The following AP2B1 variants were observed in gnomAD, a reference collection of about 807,000 sequenced individuals.
The protein encoded by AP2B1 is AP-2 complex subunit beta.
Under a neutral mutation model 102.0 loss-of-function variants are expected in AP2B1, and 23 were observed. The observed-to-expected ratio is 0.23, with a 90% CI of 0.16 to 0.32. AP2B1 has a LOEUF of 0.32. Among genes scored for constraint, AP2B1 ranks in the 10% least tolerant of loss-of-function variants. AP2B1 has a pLI of 1.00. For synonymous variants in AP2B1, 381 were observed against 421.2 expected (o/e 0.90, Z 1.17); for missense variants, 541 against 1,157.4 (o/e 0.47, Z 7.73).
Position 35,636,352 on chromosome 17 carries a change from G to A in AP2B1, c.1167G>A (p.Glu389=). 6.2e-7 allele frequency: 1 copy of A among 1,612,800 alleles called. No homozygotes were observed. The highest frequency in any genetic ancestry group is 8.5e-7 in the Non-Finnish European group (1 of 1,179,110). Reference sequence around the variant, plus strand: ...ATTTTTCTTCCCAGCAATCTGCAGAGCGCTGTGTAAGCACATTGCTTGATC... The same window carrying A: ...ATTTTTCTTCCCAGCAATCTGCAGAACGCTGTGTAAGCACATTGCTTGATC... ...RCAIKVEQSA[E]RCVSTLLDLI... The change falls in exon 10 of 22, where the codon GAG becomes GAA. Residue 389 remains glutamate (E), a synonymous_variant. Coordinates refer to ENST00000610402, the MANE Select transcript of AP2B1 (RefSeq NM_001030006.2).
chr17:35,637,680 C>T (rs1010948153), intron 10 of AP2B1, among the ~76,000 whole-genome samples: 3 of 138,802 alleles, frequency 2.2e-5, no homozygotes, highest in South Asian at 2.3e-4. Context: ...AGAAGAGGGT[C>T]GGTTTCTAAA....
chr17:35,725,855 T>G lies in AP2B1; in HGVS notation c.*2156T>G, dbSNP rs740913. On this transcript the variant is annotated 3_prime_UTR_variant, in exon 22 of 22. Coordinates refer to ENST00000610402, the MANE Select transcript of AP2B1 (RefSeq NM_001030006.2). ...CTCAACCCCCGAAACAAGGCTTCTC[T>G]CAGCCTCCCCACCAGTGATGGATAA... is the stretch of plus-strand genomic sequence containing the variant. 19,325 of 152,346 alleles carry G rather than the reference T, an allele frequency of 0.13. 1,280 individuals carry two copies. The highest frequency in any genetic ancestry group is 0.16 in the Middle Eastern group (46 of 294). The allele number at this position is 152,346 out of a possible 1,614,324, so 9.4% of individuals were successfully genotyped here.
chr17:35,715,978 T>C (rs1418723973), intron 20 of AP2B1, among the ~76,000 whole-genome samples: 5 of 152,196 alleles, frequency 3.3e-5, no homozygotes, highest in Admixed American at 1.3e-4. Context: ...TCTATGTCTA[T>C]GGTATTATGT....
intron 17 of AP2B1, among the ~76,000 whole-genome samples, chr17:35,681,513 C>T (rs1010948778): frequency 6.6e-6 from 1 of 152,208 alleles, no homozygotes; most frequent in Admixed American, 6.5e-5. Flanking sequence ...AAGTGATTCT[C>T]CTACCTCAGC....
chr17:35,641,852 A>T (rs225270), intron 11 of AP2B1, 25 bp from the exon 12 acceptor site: 1,297,023 of 1,553,456 alleles, frequency 0.83, 543,611 homozygotes, highest in African/African-American at 0.97. Context: ...ATTCTTTCAC[A>T]CTATCACAAA....
chr17:35,628,419 T>C (rs2074373881), intron 9 of AP2B1, among the ~76,000 whole-genome samples: 1 of 152,112 alleles, frequency 6.6e-6, no homozygotes, highest in East Asian at 1.9e-4. Flanking sequence ...CTAGGCAACA[T>C]AGTAAGGCTC....
chr17:35,718,308 G>A (rs1297303077), intron 21 of AP2B1, among the ~76,000 whole-genome samples: 1 of 143,016 alleles, frequency 7.0e-6, no homozygotes, highest in Non-Finnish European at 1.5e-5. Context: ...GTAAGTTGGA[G>A]TAGCTGTGTG....
chr17:35,644,874 A>T (rs572913952), intron 12 of AP2B1, among the ~76,000 whole-genome samples: 1 of 152,208 alleles, frequency 6.6e-6, no homozygotes, highest in Admixed American at 6.5e-5. Flanking sequence ...TCTACAAAAA[A>T]TACAAAAATT....
chr17:35,713,317 C>T (rs1049923650), intron 20 of AP2B1, among the ~76,000 whole-genome samples: 6 of 152,204 alleles, frequency 3.9e-5, no homozygotes, highest in Admixed American at 3.9e-4. Flanking sequence ...GGAAAACAGT[C>T]ATTGCATTTT....
chr17:35,644,284 A>G (rs1369281488), intron 12 of AP2B1, among the ~76,000 whole-genome samples: 3 of 152,202 alleles, frequency 2.0e-5, no homozygotes, highest in Non-Finnish European at 4.4e-5. Context: ...TGCCTGAAGC[A>G]ATATTGAGCA....
At chr17:35,694,714 T>C (rs1290196328) in intron 18 of AP2B1, among the ~76,000 whole-genome samples, 1 of 152,060 alleles carries the variant, frequency 6.6e-6, no homozygotes, top group Non-Finnish European at 1.5e-5. Flanking sequence ...TGTCTCTGTC[T>C]CTACAAAAAT....
chr17:35,682,377 T>C (rs8064556), intron 17 of AP2B1, among the ~76,000 whole-genome samples: 63,983 of 136,738 alleles, frequency 0.47, 15,556 homozygotes, highest in East Asian at 0.51. Context: ...AGTTTCACTC[T>C]TATTGACCAG....
chr17:35,699,597 G>C (rs2076203654), intron 18 of AP2B1, among the ~76,000 whole-genome samples: 1 of 152,150 alleles, frequency 6.6e-6, no homozygotes, highest in Admixed American at 6.5e-5. Context: ...GTTTAAAATG[G>C]AATTAGCACT....
At chr17:35,645,049 G>GA (rs1598156756) in intron 12 of AP2B1, among the ~76,000 whole-genome samples, 1 of 151,008 alleles carries the variant, frequency 6.6e-6, no homozygotes, top group African/African-American at 2.5e-5. Flanking sequence ...AAAAAAGAAA[G>GA]AAAAAAAGAA....
Position 35,682,739 on chromosome 17 carries a change from T to A in AP2B1, c.2369T>A (p.Leu790Gln). ...ACTCCTCTGGCCATCCATACACCAC[T>A]GATGCCAAACCAGAGCATTGATGTC... Reference protein sequence around the residue: ...PSTPLAIHTPLMPNQSIDVSL... With the variant: ...PSTPLAIHTPQMPNQSIDVSL... Residue 790 changes from leucine to glutamine, a missense_variant, in exon 18 of 22, where the codon CTG (leucine) becomes CAG (glutamine). Around this residue, in one of 10 missense-constraint regions of AP2B1, gnomAD observed 117 missense variants for 206.7 expected, o/e 0.57. Transcript: ENST00000610402. 6.2e-7 allele frequency: 1 copy of A among 1,612,930 alleles called. No homozygotes were observed. The highest frequency in any genetic ancestry group is 8.5e-7 in the Non-Finnish European group (1 of 1,179,172).
rs1382933450 is a variant in AP2B1, at chr17:35,624,579, G to A, written c.708G>A (p.Glu236=). Residue 236 remains glutamate, a synonymous_variant, in exon 6 of 22, where the codon GAG becomes GAA. Transcript: ENST00000610402. The part of the protein sequence containing the change: ...LSNYNPKDDR[E]AQSICERVTP... ...ATTACAACCCTAAAGATGATCGGGA[G>A]GCTCAGAGGTCAGTCTGTTTTCCTG... 2.5e-6 allele frequency: 4 copies of A among 1,610,900 alleles called. No homozygotes were observed. Among genetic ancestry groups the A allele is most frequent in the Non-Finnish European group, 3.4e-6 (4 of 1,177,974 alleles).
At chr17:35,616,086 TA>T (rs1478580865) in intron 5 of AP2B1, among the ~76,000 whole-genome samples, 3 of 151,684 alleles carry the variant, frequency 2.0e-5, no homozygotes, top group African/African-American at 4.8e-5. Context: ...TTTTCACTTT[TA>T]AAAAATCATT....
chr17:35,614,726 G>T (rs2604844), intron 5 of AP2B1, among the ~76,000 whole-genome samples: 1 of 148,012 alleles, frequency 6.8e-6, no homozygotes, highest in Non-Finnish European at 1.5e-5. Context: ...CATGCTCTCA[G>T]AATAGCCTCA....
chr17:35,650,389 AC>A, intron 12 of AP2B1, 140 bp from the exon 13 acceptor site: 1 of 995,324 alleles, frequency 1.0e-6, no homozygotes, highest in Non-Finnish European at 1.5e-6. Flanking sequence ...GCTATGAGCT[AC>A]CACATCCAGC....
Sources: gnomAD v4.1 joint callset for allele counts (sites outside exome capture counted in the v4.1 genomes callset) on GRCh38, gnomAD v4.1.1 for gene constraint, gnomAD v4.1.1 regional missense constraint, MANE v1.5 for transcripts, NCBI Gene and HGNC (gene_info 2026-07-23, HGNC 2026-07-21) for gene names.